FHIP1A: variants seen among roughly 807,000 people sequenced by gnomAD.
FHIP1A encodes the protein FHF complex subunit HOOK-interacting protein 1A.
Under a neutral mutation model 88.6 loss-of-function variants are expected in FHIP1A, and 61 were observed. That is an observed-to-expected ratio of 0.69 (90% CI 0.56 to 0.85). FHIP1A has a LOEUF of 0.85. FHIP1A is among the 40% of genes least tolerant of loss of function. The probability of loss-of-function intolerance (pLI) is 0.00; values close to 1 mark genes in which losing one functional copy is unlikely to be tolerated. For missense variants in FHIP1A, 1,154 were observed against 1,273.5 expected (o/e 0.91, Z 1.43); for synonymous variants, 478 against 496.0 (o/e 0.96, Z 0.48).
chr4:151,557,330 A>G (rs1363109453), intron 3 of FHIP1A, among the ~76,000 whole-genome samples: 1 of 152,210 alleles, frequency 6.6e-6, no homozygotes, highest in Admixed American at 6.5e-5. Flanking sequence ...CTGAAGCACC[A>G]ACTCTAGGGA....
At chr4:151,511,549 GACGGC>G (rs1402211446) in intron 3 of FHIP1A, among the ~76,000 whole-genome samples, 2 of 152,236 alleles carry the variant, frequency 1.3e-5, no homozygotes, top group African/African-American at 4.8e-5. Flanking sequence ...AGGGGTGACA[GACGGC>G]ACCTGGAAAA....
intron 2 of FHIP1A, among the ~76,000 whole-genome samples, chr4:151,455,115 A>G (rs921694453): frequency 5.9e-5 from 9 of 152,320 alleles, no homozygotes; most frequent in Non-Finnish European, 8.8e-5. Flanking sequence ...ACAAGTTCAC[A>G]ATGTTAAGGA....
intron 1 of FHIP1A, among the ~76,000 whole-genome samples, chr4:151,410,875 C>T (rs1732610812): frequency 6.6e-6 from 1 of 152,188 alleles, no homozygotes; most frequent in Admixed American, 6.5e-5. Context: ...ATGTCCATGC[C>T]TGTCTTGAAA....
At chr4:151,557,283 G>A (rs116246793) in intron 3 of FHIP1A, among the ~76,000 whole-genome samples, 660 of 152,330 alleles carry the variant, frequency 4.3e-3, no homozygotes, top group Non-Finnish European at 7.6e-3. Flanking sequence ...CAAGGGGGAA[G>A]TAGGAACCTT....
rs1045701244 is a variant in FHIP1A at position 151,668,301 on chromosome 4, T to C, written c.*5547T>C. 6.6e-6 allele frequency among the ~76,000 whole-genome samples: 1 copy of C among 152,122 alleles called. No individual in the cohort carries two copies. The highest frequency in any genetic ancestry group is 1.5e-5 in the Non-Finnish European group (1 of 68,034). On this transcript the variant is annotated 3_prime_UTR_variant, in exon 14 of 14. Coordinates refer to ENST00000435205, the MANE Select transcript of FHIP1A (RefSeq NM_001109977.3). ...AGTCACCATGTGGAAACTATGCAACTAAATTCAATGGAAATGAAAGATACA... is the reference window on the plus strand; with the variant it reads ...AGTCACCATGTGGAAACTATGCAACCAAATTCAATGGAAATGAAAGATACA...
intron 1 of FHIP1A, among the ~76,000 whole-genome samples, chr4:151,433,810 C>T (rs1052065674): frequency 6.6e-6 from 1 of 152,124 alleles, no homozygotes; most frequent in African/African-American, 2.4e-5. Context: ...ATCTCTTGCT[C>T]AATCTACTAT....
intron 4 of FHIP1A, among the ~76,000 whole-genome samples, chr4:151,568,781 G>A (rs1336294162): frequency 1.3e-5 from 2 of 152,144 alleles, no homozygotes; most frequent in Admixed American, 6.6e-5. Flanking sequence ...ATTTTGCTAC[G>A]TTGGCTATGG....
At chr4:151,479,555 T>C (rs1729823923) in intron 2 of FHIP1A, among the ~76,000 whole-genome samples, 1 of 152,108 alleles carries the variant, frequency 6.6e-6, no homozygotes, top group Admixed American at 6.6e-5. Context: ...ACTTATTGAA[T>C]TGTTTGAAAC....
At position 151,478,590 on chromosome 4, in the gene FHIP1A, C is replaced by CTTGG. The variant is rs1729792155; in HGVS notation, c.-247-3934_-247-3933insTTGG. Among the ~76,000 whole-genome samples the CTTGG allele has an allele frequency of 2.0e-5, 3 of 152,176 alleles. No individual in the cohort carries two copies. The South Asian group carries it at 6.2e-4, about 32-fold the overall frequency. ...CTGAAGTATGTTTCTTGGAGGTTATCAATACTAGCTGTGCAAACCAAAGAT... is the reference window on the plus strand; with the variant it reads ...CTGAAGTATGTTTCTTGGAGGTTATCTTGGAATACTAGCTGTGCAAACCAAAGAT... On this transcript the variant is annotated intron_variant, in intron 2 of 13. Coordinates refer to ENST00000435205, the MANE Select transcript of FHIP1A (RefSeq NM_001109977.3).
chr4:151,459,599 A>C (rs1426609046), intron 2 of FHIP1A, among the ~76,000 whole-genome samples: 2 of 152,198 alleles, frequency 1.3e-5, no homozygotes, highest in Non-Finnish European at 2.9e-5. Context: ...GCCAGATCTC[A>C]AGTGATTTAT....
At chr4:151,613,943 A>T (rs1474777504) in intron 7 of FHIP1A, among the ~76,000 whole-genome samples, 1 of 150,832 alleles carries the variant, frequency 6.6e-6, no homozygotes, top group African/African-American at 2.4e-5. Flanking sequence ...TGGGTGGATC[A>T]CCTGAGGTCA....
intron 3 of FHIP1A, among the ~76,000 whole-genome samples, chr4:151,562,141 G>A (rs1398080374): frequency 1.3e-5 from 2 of 152,132 alleles, no homozygotes; most frequent in Non-Finnish European, 2.9e-5. Flanking sequence ...CCCAGGTTGG[G>A]ACTTTAAATT....
intron 3 of FHIP1A, among the ~76,000 whole-genome samples, chr4:151,526,430 CG>C (rs1045574813): frequency 7.0e-6 from 1 of 143,258 alleles, no homozygotes; most frequent in South Asian, 2.2e-4. Flanking sequence ...GCTGGCCGGG[CG>C]GGGGGCTGAC....
intron 4 of FHIP1A, among the ~76,000 whole-genome samples, chr4:151,572,121 T>A (rs2126781851): frequency 6.6e-6 from 1 of 152,270 alleles, no homozygotes; most frequent in Non-Finnish European, 1.5e-5. Context: ...GCAGGAGACT[T>A]GCTTGAACCC....
chr4:151,548,564 G>A (rs1226856764), intron 3 of FHIP1A, among the ~76,000 whole-genome samples: 4 of 152,194 alleles, frequency 2.6e-5, no homozygotes, highest in Non-Finnish European at 5.9e-5. Flanking sequence ...ACCTCTGGTG[G>A]TCCTCACTGC....
chr4:151,485,282 G>GTTTTTTTTTTTTTTT (rs74327398), intron 3 of FHIP1A, among the ~76,000 whole-genome samples: 7 of 118,736 alleles, frequency 5.9e-5, no homozygotes, highest in East Asian at 5.0e-4. Context: ...ATCTTTTCCA[G>GTTTTTTTTTTTTTTT]TTTTTTTTTT....
chr4:151,549,440 A>G lies in FHIP1A; in HGVS notation c.-122-16698A>G, dbSNP rs541076294. Among the ~76,000 whole-genome samples, 18 of 151,024 alleles carry G rather than the reference A, an allele frequency of 1.2e-4. No individual in the cohort carries two copies. The South Asian group carries it at 3.8e-3, about 32-fold the overall frequency. On this transcript the variant is annotated intron_variant, in intron 3 of 13. Transcript: ENST00000435205. ...TGGGAGGTGGAGGTTGCAGTGAGCCAAGATCACACCACTGCGCTCCAGCCT... is the reference window on the plus strand; with the variant it reads ...TGGGAGGTGGAGGTTGCAGTGAGCCGAGATCACACCACTGCGCTCCAGCCT...
At chr4:151,413,418 T>C (rs1160850718) in intron 1 of FHIP1A, among the ~76,000 whole-genome samples, 2 of 152,200 alleles carry the variant, frequency 1.3e-5, no homozygotes, top group Non-Finnish European at 2.9e-5. Flanking sequence ...TAATATTAGA[T>C]AATATTTTAT....
At chr4:151,438,528 AAAAC>A (rs1728289494) in intron 1 of FHIP1A, among the ~76,000 whole-genome samples, 1 of 152,128 alleles carries the variant, frequency 6.6e-6, no homozygotes, top group African/African-American at 2.4e-5. Context: ...AAAACAAAAC[AAAAC>A]AAAAAAATCT....
Sources: allele counts gnomAD v4.1 joint callset (sites outside exome capture counted in the v4.1 genomes callset), GRCh38; gene constraint gnomAD v4.1.1; transcripts MANE v1.5; gene names NCBI Gene and HGNC (gene_info 2026-07-23, HGNC 2026-07-21).